Variants in GPC5 observed in about 807,000 individuals in gnomAD.
GPC5 encodes the protein glypican-5.
A neutral mutation model predicts 53.9 loss-of-function variants in GPC5; 47 were observed. The observed-to-expected ratio is 0.87, with a 90% confidence interval of 0.69 to 1.11. The LOEUF is 1.11. Ranked by LOEUF, GPC5 falls within the 50% of genes most tolerant of loss-of-function variation. GPC5 has a pLI of 0.00. For missense variants in GPC5, 748 were observed against 713.1 expected (o/e 1.05, Z -0.56); for synonymous variants, 286 against 263.3 (o/e 1.09, Z -0.84).
intron 6 of GPC5, among the ~76,000 whole-genome samples, chr13:91,980,768 TC>T (rs921086470): frequency 6.6e-6 from 1 of 152,152 alleles, no homozygotes; most frequent in Admixed American, 6.5e-5. Context: ...CACACCAGGA[TC>T]CCCTGTCATG....
intron 7 of GPC5, among the ~76,000 whole-genome samples, chr13:92,573,355 G>C (rs1883092689): frequency 6.6e-6 from 1 of 152,168 alleles, no homozygotes; most frequent in Non-Finnish European, 1.5e-5. Flanking sequence ...TATTATGTTA[G>C]TAGTCCAGTT....
intron 7 of GPC5, among the ~76,000 whole-genome samples, chr13:92,782,188 A>G (rs1403616852): frequency 1.3e-5 from 2 of 152,082 alleles, no homozygotes; most frequent in African/African-American, 4.8e-5. Context: ...ACCACCATTC[A>G]TCTCCTTAGG....
At chr13:91,401,824 C>G (rs1594038474) in intron 1 of GPC5, among the ~76,000 whole-genome samples, 1 of 152,164 alleles carries the variant, frequency 6.6e-6, no homozygotes, top group Admixed American at 6.5e-5. Context: ...CTACCCTGCT[C>G]CAATTCTTTT....
At chr13:91,504,448 A>G (rs1884827645) in intron 2 of GPC5, among the ~76,000 whole-genome samples, 1 of 152,128 alleles carries the variant, frequency 6.6e-6, no homozygotes, top group Non-Finnish European at 1.5e-5. Flanking sequence ...AGACAGTAGA[A>G]TTATTAATTT....
At chr13:92,011,512 T>C (rs774070710) in intron 6 of GPC5, among the ~76,000 whole-genome samples, 6 of 152,190 alleles carry the variant, frequency 3.9e-5, no homozygotes, top group Non-Finnish European at 5.9e-5. Context: ...TTTTAAGCCT[T>C]GTAAGCTTGT....
At chr13:92,559,941 T>C (rs536185779) in intron 7 of GPC5, among the ~76,000 whole-genome samples, 3 of 151,094 alleles carry the variant, frequency 2.0e-5, no homozygotes, top group African/African-American at 7.3e-5. Flanking sequence ...CACCCAAGAG[T>C]TCAGCATTAA....
chr13:91,658,390 TG>T (rs11461424), intron 2 of GPC5, among the ~76,000 whole-genome samples: 3 of 151,448 alleles, frequency 2.0e-5, no homozygotes, highest in Non-Finnish European at 2.9e-5. Flanking sequence ...GGGAATTTTT[TG>T]GGGGGATAGA....
chr13:92,609,517 A>C (rs1884366566), intron 7 of GPC5, among the ~76,000 whole-genome samples: 1 of 152,160 alleles, frequency 6.6e-6, no homozygotes. Flanking sequence ...TCAATGTGTA[A>C]GCAAAAAATA....
intron 6 of GPC5, among the ~76,000 whole-genome samples, chr13:92,042,102 C>T (rs541961682): frequency 4.6e-5 from 7 of 152,114 alleles, no homozygotes; most frequent in East Asian, 1.9e-4. Flanking sequence ...GTCCTGATGG[C>T]GCCTCCCCTT....
In GPC5 at chr13:91,597,923, T is replaced by TG. The variant is rs1207781455; in HGVS notation, c.326-95264_326-95263insG. On this transcript the variant is annotated intron_variant, in intron 2 of 7. Transcript: ENST00000377067. Reference sequence around the variant, plus strand: ...CATGGAATGTTTTCTATTGAGTTTGTATTTCTTTTTAGCAGAAAAAGCGGA... The same window carrying TG: ...CATGGAATGTTTTCTATTGAGTTTGTGATTTCTTTTTAGCAGAAAAAGCGGA... Among the ~76,000 whole-genome samples the TG allele has an allele frequency of 1.0e-3, 11 of 10,596 alleles. No homozygotes were observed. The East Asian group carries it at 0.34, about 331-fold the overall frequency. 7.0% of individuals were successfully genotyped at this position (10,596 alleles called of 152,430 possible). A position where few individuals can be genotyped will look rare whatever the true frequency, so the allele number is the denominator to read the frequency against.
chr13:91,873,909 T>C (rs1399326125), intron 5 of GPC5, among the ~76,000 whole-genome samples: 1 of 152,132 alleles, frequency 6.6e-6, no homozygotes, highest in East Asian at 1.9e-4. Flanking sequence ...CTCAAACTCC[T>C]GAACTCAAAC....
At chr13:91,938,428 C>G (rs1327578308) in intron 6 of GPC5, among the ~76,000 whole-genome samples, 1 of 152,108 alleles carries the variant, frequency 6.6e-6, no homozygotes, top group African/African-American at 2.4e-5. Context: ...ACCCTCATGA[C>G]CCAAACACTT....
chr13:91,821,552 A>AT (rs1232697601), intron 5 of GPC5, among the ~76,000 whole-genome samples: 1 of 152,200 alleles, frequency 6.6e-6, no homozygotes, highest in Non-Finnish European at 1.5e-5. Flanking sequence ...TTATTCATCA[A>AT]TAAGTGTGAA....
chr13:92,618,721 A>G (rs1428667329), intron 7 of GPC5, among the ~76,000 whole-genome samples: 2 of 151,280 alleles, frequency 1.3e-5, no homozygotes. Flanking sequence ...TGACTAAATG[A>G]AGTTTAATAT....
At chr13:92,637,845 C>T (rs1164227060) in intron 7 of GPC5, among the ~76,000 whole-genome samples, 1 of 151,886 alleles carries the variant, frequency 6.6e-6, no homozygotes, top group Non-Finnish European at 1.5e-5. Flanking sequence ...GACATTAAAA[C>T]AGGTATCTAT....
chr13:91,748,359 G>C (rs981399772), intron 4 of GPC5, among the ~76,000 whole-genome samples: 2 of 152,072 alleles, frequency 1.3e-5, no homozygotes, highest in Non-Finnish European at 2.9e-5. Flanking sequence ...ACACCAGAAA[G>C]GTCTCTCTGA....
chr13:92,265,665 G>A (rs1377103560), intron 7 of GPC5, among the ~76,000 whole-genome samples: 1 of 152,056 alleles, frequency 6.6e-6, no homozygotes, highest in Non-Finnish European at 1.5e-5. Context: ...GCTTTTTGCA[G>A]CCTGCTTCTC....
At chr13:92,787,812 G>A (rs1485330166) in intron 7 of GPC5, among the ~76,000 whole-genome samples, 2 of 151,220 alleles carry the variant, frequency 1.3e-5, no homozygotes, top group Middle Eastern at 3.2e-3. Context: ...GGGAGTTTGA[G>A]GCTGCAGTGA....
chr13:91,419,571 T>A (rs1336684708), intron 1 of GPC5, among the ~76,000 whole-genome samples: 2 of 152,176 alleles, frequency 1.3e-5, no homozygotes, highest in African/African-American at 4.8e-5. Context: ...TATATAATGA[T>A]ACTAGTAATA....
Sources: allele counts gnomAD v4.1 joint callset (sites outside exome capture counted in the v4.1 genomes callset), GRCh38; gene constraint gnomAD v4.1.1; transcripts MANE v1.5; gene names NCBI Gene and HGNC (gene_info 2026-07-23, HGNC 2026-07-21).